SEC16A: variants seen among roughly 807,000 people sequenced by gnomAD.
SEC16A encodes the protein SEC16 homolog A, endoplasmic reticulum export factor, also known as protein transport protein Sec16A.
In SEC16A, 110 loss-of-function variants were observed where a neutral mutation model predicts 221.9. The observed-to-expected ratio is 0.50, with a 90% CI of 0.42 to 0.58. The LOEUF is 0.58. Ranked by LOEUF, SEC16A falls within the 20% of genes least tolerant of loss-of-function variation. SEC16A has a pLI of 0.00. For missense variants in SEC16A, 3,165 were observed against 3,097.8 expected (o/e 1.02, Z -0.52); for synonymous variants, 1,393 against 1,257.7 (o/e 1.11, Z -2.28).
intron 1 of SEC16A, among the ~76,000 whole-genome samples, chr9:136,479,336 G>A (rs913279592): frequency 1.2e-4 from 19 of 152,156 alleles, no homozygotes; most frequent in Non-Finnish European, 2.6e-4. Flanking sequence ...CCAAAGGGGA[G>A]GACTCTGTAG....
At chr9:136,478,203 G>A (rs112257221) in intron 2 of SEC16A, among the ~76,000 whole-genome samples, 9 of 152,174 alleles carry the variant, frequency 5.9e-5, no homozygotes, top group African/African-American at 2.2e-4. Context: ...CCAGGAATTC[G>A]AGGCCAGCCT....
At position 136,468,506 on chromosome 9, in the gene SEC16A, T is replaced by A; in HGVS notation, c.3711A>T (p.Gly1237=). 6.2e-7 allele frequency: 1 copy of A among 1,603,902 alleles called. No individual in the cohort carries two copies. The highest frequency in any genetic ancestry group is 8.5e-7 in the Non-Finnish European group (1 of 1,171,146). The change falls in exon 5 of 32, where the codon GGA becomes GGT. Residue 1237 remains glycine, a synonymous_variant. Transcript: ENST00000684901. ...TGGAACTATAGTATCCTTCAGGATA[T>A]CCTTGCCTGAAAAAACACACAGTGC... is the stretch of plus-strand genomic sequence containing the variant. ...HSSERPPPRQ[G]YPEGYYSSKS...
Position 136,477,236 on chromosome 9 carries a change from G to T in SEC16A, c.380C>A (p.Ala127Glu). ...CCCAGGAGGTGCTGAAGGTGTCAATGCACCAGAAAACGGACTGGCATGTGC... is the reference window on the plus strand; with the variant it reads ...CCCAGGAGGTGCTGAAGGTGTCAATTCACCAGAAAACGGACTGGCATGTGC... Reference protein sequence around the residue: ...PRAHASPFSGALTPSAPPGPE... With the variant: ...PRAHASPFSGELTPSAPPGPE... Residue 127 changes from alanine to glutamate, a missense_variant, in exon 3 of 32, where the codon GCA becomes GAA. By Grantham distance (107) the Ala-to-Glu change is moderately radical (BLOSUM62 -1). Around this residue, in one of 3 missense-constraint regions of SEC16A, gnomAD observed 2,030 missense variants for 1,923.1 expected, o/e 1.06. Coordinates refer to ENST00000684901, the MANE Select transcript of SEC16A (RefSeq NM_014866.2). 6.2e-7 allele frequency: 1 copy of T among 1,613,928 alleles called. No homozygotes were observed. Among genetic ancestry groups the T allele is most frequent in the Non-Finnish European group, 8.5e-7 (1 of 1,179,900 alleles).
rs767696000 is a variant in SEC16A, at chr9:136,466,156, G to A, written c.4129-20C>T. Reference sequence around the variant, plus strand: ...CTGACTCTTAGAAAACAAAGCAAACGGGCAAAATCAATTCCCCAGGCACAG... The same window carrying A: ...CTGACTCTTAGAAAACAAAGCAAACAGGCAAAATCAATTCCCCAGGCACAG... On this transcript the variant is annotated intron_variant, in intron 7 of 31. Coordinates refer to ENST00000684901, the MANE Select transcript of SEC16A (RefSeq NM_014866.2). The surrounding 1 kb of genome is among the most constrained non-coding windows in gnomAD (Gnocchi z 5.5). 198 of 1,574,844 alleles carry A rather than the reference G, an allele frequency of 1.3e-4. 2 individuals are homozygous for A. The Admixed American group carries it at 2.9e-3, about 23-fold the overall frequency.
Position 136,476,199 on chromosome 9 carries a change from T to G in SEC16A, c.1417A>C (p.Ser473Arg). The stretch of plus-strand genomic sequence containing the variant: ...GAAGGGTCCAAATTGAGGGGCTCAC[T>G]TGGCAGAACTTCTTGATTCTGAACA... The part of the protein sequence containing the change: ...EFVQNQEVLP[S>R]EPLNLDPSSP... Residue 473 changes from serine (S) to arginine (R), a missense_variant, in exon 3 of 32, where the codon AGT (serine) becomes CGT (arginine). Around this residue, in one of 3 missense-constraint regions of SEC16A, gnomAD observed 2,030 missense variants for 1,923.1 expected, o/e 1.06. Transcript: ENST00000684901. The G allele has an allele frequency of 6.2e-7, 1 of 1,613,842 alleles. No homozygotes were observed. Among genetic ancestry groups the G allele is most frequent in the Non-Finnish European group, 8.5e-7 (1 of 1,179,902 alleles).
chr9:136,477,978 C>T (rs367881179), intron 2 of SEC16A, among the ~76,000 whole-genome samples: 2 of 152,116 alleles, frequency 1.3e-5, no homozygotes, highest in Non-Finnish European at 2.9e-5. Context: ...CCATTGCTGC[C>T]GCAGACCCGC....
chr9:136,463,690 T>C lies in SEC16A; in HGVS notation c.4497A>G (p.Gly1499=). ...AACAAGGAACATACTTGGCCAGGGGTCCCGGGAACGCCCGCATCTCCTCCT... is the reference window on the plus strand; with the variant it reads ...AACAAGGAACATACTTGGCCAGGGGCCCCGGGAACGCCCGCATCTCCTCCT... ...SEQEEMRAFP[G]PLAKDDTHKV... The change falls in exon 10 of 32, where the codon GGA becomes GGG. Residue 1499 remains glycine, a synonymous_variant. Transcript: ENST00000684901. 1 of 1,612,888 alleles carries C rather than the reference T, an allele frequency of 6.2e-7. No homozygotes were observed. Among genetic ancestry groups the C allele is most frequent in the Non-Finnish European group, 8.5e-7 (1 of 1,179,684 alleles).
chr9:136,453,392 G>A, intron 22 of SEC16A, 36 bp downstream of exon 22: 1 of 1,533,170 alleles, frequency 6.5e-7, no homozygotes, highest in Non-Finnish European at 9.0e-7. Flanking sequence ...TGAACTTTAT[G>A]GAAAACAAAC....
chr9:136,451,291 G>C lies in SEC16A; in HGVS notation c.6277C>G (p.Gln2093Glu). Residue 2093 changes from glutamine (Q) to glutamate (E), a missense_variant, in exon 23 of 32, where the codon CAG becomes GAG. By Grantham distance (29) the Gln-to-Glu change is conservative. Transcript: ENST00000684901. ...SPAPETKRPG[Q>E]AAKKETKEPK... ...TCCTTCGTTTCTTTCTTGGCTGCCT[G>C]TCCGGGTCTCTTTGTTTCGGGAGCG... The C allele has an allele frequency of 6.2e-7, 1 of 1,613,278 alleles. No homozygotes were observed.
At chr9:136,449,326 C>CTG (rs1359309864) in intron 23 of SEC16A, among the ~76,000 whole-genome samples, 6 of 152,386 alleles carry the variant, frequency 3.9e-5, no homozygotes, top group Admixed American at 3.3e-4. Context: ...TCTCGGCGCA[C>CTG]TGCAACCTCT....
Position 136,465,946 on chromosome 9 carries a change from C to T in SEC16A, c.4303+16G>A. The stretch of plus-strand genomic sequence containing the variant: ...GTGGGGTTAGCCGGTATCCCTCTGT[C>T]CTGCTGAGCACACACCTTGCTCCAT... On this transcript the variant is annotated intron_variant, in intron 8 of 31. Transcript: ENST00000684901. 6.2e-7 allele frequency: 1 copy of T among 1,610,916 alleles called. No homozygotes were observed.
intron 4 of SEC16A, among the ~76,000 whole-genome samples, chr9:136,469,969 G>GC (rs1484544142): frequency 6.6e-6 from 1 of 152,190 alleles, no homozygotes; most frequent in Non-Finnish European, 1.5e-5. Context: ...CCAAGGAGCC[G>GC]CCGTGTCCTC....
chr9:136,481,382 C>T (rs1258811163), intron 1 of SEC16A, among the ~76,000 whole-genome samples: 1 of 152,172 alleles, frequency 6.6e-6, no homozygotes, highest in Non-Finnish European at 1.5e-5. Flanking sequence ...TCGTGATCCG[C>T]CCGCCTCAGC....
In SEC16A at chr9:136,477,592, G is replaced by C. The variant is rs1589017602; in HGVS notation, c.24C>G (p.Val8=). 14 of 1,610,866 alleles carry C rather than the reference G, an allele frequency of 8.7e-6. No homozygotes were observed. Among genetic ancestry groups the C allele is most frequent in the Middle Eastern group, 1.7e-4 (1 of 6,056 alleles). MQPPPQT[V]PSGMAGPPPA... ...GAGGTGGCCCAGCCATGCCAGACGG[G>C]ACCGTCTGGGGCGGTGGCTGCATGA... The change falls in exon 3 of 32, where the codon GTC becomes GTG. Residue 8 remains valine, a synonymous_variant. Coordinates refer to ENST00000684901, the MANE Select transcript of SEC16A (RefSeq NM_014866.2).
Position 136,447,739 on chromosome 9 carries a change from G to T in SEC16A, c.6448-59C>A. On this transcript the variant is annotated intron_variant, in intron 25 of 31. Coordinates refer to ENST00000684901, the MANE Select transcript of SEC16A (RefSeq NM_014866.2). The surrounding 1 kb of genome is among the most constrained non-coding windows in gnomAD (Gnocchi z 5.5). ...GTGTGCACAGAAACCCACTGGGATG[G>T]CACAGTCAGGAGGCTCCAAAAGGGG... 6.5e-7 allele frequency: 1 copy of T among 1,547,526 alleles called. No individual in the cohort carries two copies. Among genetic ancestry groups the T allele is most frequent in the Non-Finnish European group, 8.9e-7 (1 of 1,126,382 alleles).
intron 12 of SEC16A, among the ~76,000 whole-genome samples, chr9:136,462,170 A>C (rs1164030505): frequency 6.6e-6 from 1 of 152,186 alleles, no homozygotes; most frequent in Non-Finnish European, 1.5e-5. Flanking sequence ...GTTTATCATG[A>C]TATAAAAGGA....
chr9:136,462,951 G>T lies in SEC16A; in HGVS notation c.4829C>A (p.Ala1610Asp). The change falls in exon 12 of 32, where the codon GCC (alanine) becomes GAC (aspartate). Residue 1610 changes from alanine to aspartate, a missense_variant. Ala to Asp is a moderately radical substitution (Grantham distance 126). Coordinates refer to ENST00000684901, the MANE Select transcript of SEC16A (RefSeq NM_014866.2). Reference sequence around the variant, plus strand: ...GGTCTCTCTCTCGAGCGAGCTGGCGGCAGCCGCCGGACCACCAGTGAGGAA... The same window carrying T: ...GGTCTCTCTCTCGAGCGAGCTGGCGTCAGCCGCCGGACCACCAGTGAGGAA... ...LSFLTGGPAA[A>D]ASSLERETER... 1 of 1,606,372 alleles carries T rather than the reference G, an allele frequency of 6.2e-7. No homozygotes were observed. Among genetic ancestry groups the T allele is most frequent in the Non-Finnish European group, 8.5e-7 (1 of 1,179,860 alleles).
upstream of SEC16A, chr9:136,483,499 T>G (rs1235473727): frequency 5.2e-6 from 5 of 961,976 alleles, no homozygotes; most frequent in African/African-American, 7.8e-5. Flanking sequence ...GGCGTCCGTC[T>G]GCCGCCTCAC....
Position 136,476,047 on chromosome 9 carries a change from G to C in SEC16A, c.1569C>G (p.Ser523=). 1.2e-6 allele frequency: 2 copies of C among 1,613,580 alleles called. No individual in the cohort carries two copies. The highest frequency in any genetic ancestry group is 1.7e-6 in the Non-Finnish European group (2 of 1,179,892). Reference sequence around the variant, plus strand: ...TTCCGTGGCTTCTGCTGCTATAGCTGGATGACACGCTGTCAGGGTGCACTG... The same window carrying C: ...TTCCGTGGCTTCTGCTGCTATAGCTCGATGACACGCTGTCAGGGTGCACTG... ...LHTVHPDSVS[S]SYSSRSHGRL... is the part of the protein sequence containing the mutation. The change falls in exon 3 of 32, where the codon TCC becomes TCG. Residue 523 remains serine (S), a synonymous_variant. Coordinates refer to ENST00000684901, the MANE Select transcript of SEC16A (RefSeq NM_014866.2).
Sources: allele counts gnomAD v4.1 joint callset (sites outside exome capture counted in the v4.1 genomes callset), GRCh38; gene constraint gnomAD v4.1.1; regional missense constraint gnomAD v4.1.1; non-coding constraint Gnocchi (gnomAD v3.1); transcripts MANE v1.5; gene names NCBI Gene and HGNC (gene_info 2026-07-23, HGNC 2026-07-21).